NRROS: variants seen among roughly 807,000 people sequenced by gnomAD.
NRROS encodes the protein negative regulator of reactive oxygen species, also known as transforming growth factor beta activator LRRC33.
In NRROS, 6 loss-of-function variants were observed where a neutral mutation model predicts 12.0. The ratio of observed to expected loss-of-function variants is 0.50; its 90% CI spans 0.27 to 0.98. The LOEUF (loss-of-function observed/expected upper bound fraction) is 0.98, where lower values mean the gene tolerates loss of function less well. Ranked by LOEUF, NRROS falls within the 50% of genes least tolerant of loss-of-function variation. The pLI is 0.11. For missense variants in NRROS, 857 were observed against 888.2 expected (o/e 0.96, Z 0.45); for synonymous variants, 462 against 410.2 (o/e 1.13, Z -1.53).
chr3:196,651,617 A>G (rs1444188418), intron 1 of NRROS, among the ~76,000 whole-genome samples: 1 of 152,106 alleles, frequency 6.6e-6, no homozygotes. Context: ...AAATACAAAA[A>G]TTAGCCAGGC....
Position 196,661,165 on chromosome 3 carries a change from G to C in NRROS, c.1522G>C (p.Asp508His). 1 of 1,612,640 alleles carries C rather than the reference G, an allele frequency of 6.2e-7. No individual in the cohort carries two copies. The highest frequency in any genetic ancestry group is 8.5e-7 in the Non-Finnish European group (1 of 1,179,080). ...VLNGSLAPLQ[D>H]VAPMLQVLSL... ...GAATGGGAGCCTCGCCCCACTCCAG[G>C]ATGTTGCCCCCATGTTACAGGTCCT... Residue 508 changes from aspartate (D) to histidine (H), a missense_variant, in exon 3 of 3, where the codon GAT (aspartate) becomes CAT (histidine). Transcript: ENST00000328557.
intron 1 of NRROS, among the ~76,000 whole-genome samples, chr3:196,645,930 G>T (rs1737299991): frequency 6.6e-6 from 1 of 152,220 alleles, no homozygotes; most frequent in Non-Finnish European, 1.5e-5. Context: ...TTGCACAGAG[G>T]AACTCTGCTT....
At chr3:196,652,990 C>T (rs529714081) in intron 1 of NRROS, among the ~76,000 whole-genome samples, 1 of 152,292 alleles carries the variant, frequency 6.6e-6, no homozygotes, top group African/African-American at 2.4e-5. Context: ...TGAAATGATG[C>T]CTTGTAATTT....
Position 196,658,830 on chromosome 3 carries a change from C to T in NRROS, c.109-922C>T, listed in dbSNP as rs140161715. Among the ~76,000 whole-genome samples, 220 of 152,134 alleles carry T rather than the reference C, an allele frequency of 1.4e-3. 2 individuals are homozygous for T. In the Middle Eastern group the frequency reaches 0.041, roughly 28 times the overall value. ...AAAAATACAAAAAAAGTTAGCTGGGCGTGGTGGCATGTGCCTGTAATCCCA... is the reference window on the plus strand; with the variant it reads ...AAAAATACAAAAAAAGTTAGCTGGGTGTGGTGGCATGTGCCTGTAATCCCA... On this transcript the variant is annotated intron_variant, in intron 2 of 2. Coordinates refer to ENST00000328557, the MANE Select transcript of NRROS (RefSeq NM_198565.3).
intron 1 of NRROS, among the ~76,000 whole-genome samples, chr3:196,645,638 C>T (rs750780009): frequency 3.9e-5 from 6 of 152,126 alleles, no homozygotes; most frequent in Non-Finnish European, 5.9e-5. Context: ...TTTGAATCGG[C>T]CTCTTGTCAG....
intron 1 of NRROS, among the ~76,000 whole-genome samples, chr3:196,640,400 C>T (rs1737184853): frequency 6.6e-6 from 1 of 152,208 alleles, no homozygotes; most frequent in African/African-American, 2.4e-5. Flanking sequence ...TTAACAGCAA[C>T]ACCTATCACA....
At position 196,660,882 on chromosome 3, in the gene NRROS, G is replaced by T; in HGVS notation, c.1239G>T (p.Gln413His). 1 of 1,614,072 alleles carries T rather than the reference G, an allele frequency of 6.2e-7. No homozygotes were observed. Among genetic ancestry groups the T allele is most frequent in the Non-Finnish European group, 8.5e-7 (1 of 1,180,044 alleles). ...SLRLFNLSSN[Q>H]LLGVPPGLFA... The stretch of plus-strand genomic sequence containing the variant: ...GCTTGTTCAACCTGAGCTCCAACCA[G>T]CTCCTGGGCGTCCCCCCTGGCCTCT... Residue 413 changes from glutamine to histidine, a missense_variant, in exon 3 of 3, where the codon CAG becomes CAT. Physicochemically the swap from Gln to His is conservative, Grantham distance 24. Coordinates refer to ENST00000328557, the MANE Select transcript of NRROS (RefSeq NM_198565.3). The surrounding 1 kb of genome is among the most constrained non-coding windows in gnomAD (Gnocchi z 7.7).
chr3:196,650,487 T>C (rs1737403206), intron 1 of NRROS, among the ~76,000 whole-genome samples: 1 of 151,974 alleles, frequency 6.6e-6, no homozygotes. Context: ...GCCACCTTGC[T>C]CAGGCTGGTC....
chr3:196,652,464 CTT>C (rs1400405305), intron 1 of NRROS, among the ~76,000 whole-genome samples: 1 of 152,182 alleles, frequency 6.6e-6, no homozygotes, highest in Non-Finnish European at 1.5e-5. Context: ...GTCTTGGAGA[CTT>C]TGTCTGAATT....
chr3:196,657,659 A>G (rs1452639024), intron 2 of NRROS, among the ~76,000 whole-genome samples: 1 of 149,992 alleles, frequency 6.7e-6, no homozygotes, highest in Non-Finnish European at 1.5e-5. Flanking sequence ...GCAAGCAGAG[A>G]TGGCGCCATT....
At chr3:196,657,429 GAC>G (rs1384777064) in intron 2 of NRROS, among the ~76,000 whole-genome samples, 9 of 151,328 alleles carry the variant, frequency 5.9e-5, no homozygotes, top group South Asian at 2.1e-4. Context: ...CTCACATAAA[GAC>G]ACACACCTGG....
At chr3:196,646,758 G>C (rs1737320988) in intron 1 of NRROS, among the ~76,000 whole-genome samples, 1 of 152,214 alleles carries the variant, frequency 6.6e-6, no homozygotes, top group East Asian at 1.9e-4. Context: ...CATTCCCAGA[G>C]AGTCTCTCGC....
chr3:196,660,262 C>G lies in NRROS; in HGVS notation c.619C>G (p.Leu207Val). 2 of 1,613,888 alleles carry G rather than the reference C, an allele frequency of 1.2e-6. No individual in the cohort carries two copies. Among genetic ancestry groups the G allele is most frequent in the Non-Finnish European group, 1.7e-6 (2 of 1,180,040 alleles). Residue 207 changes from leucine to valine, a missense_variant, in exon 3 of 3, where the codon CTG becomes GTG. Transcript: ENST00000328557. This position sits in a 1 kb window ranked among gnomAD's most constrained non-coding sequence, Gnocchi z 7.7. Reference sequence around the variant, plus strand: ...CGGCGCTTTCGACGGCCTGGCTGAGCTGAGGCACCTCAACCTGGCCTTCAA... The same window carrying G: ...CGGCGCTTTCGACGGCCTGGCTGAGGTGAGGCACCTCAACCTGGCCTTCAA... Reference protein sequence around the residue: ...EGGAFDGLAELRHLNLAFNNL... With the variant: ...EGGAFDGLAEVRHLNLAFNNL...
rs150566647 is a variant in NRROS, at chr3:196,651,240, C to T, written c.-13-3287C>T. On this transcript the variant is annotated intron_variant, in intron 1 of 2. Coordinates refer to ENST00000328557, the MANE Select transcript of NRROS (RefSeq NM_198565.3). ...ATTTTGAAAGCCTTTTATTTCTTTA[C>T]AGTCATTACATACTTTTAATTTAGC... 2.5e-3 allele frequency among the ~76,000 whole-genome samples: 381 copies of T among 152,328 alleles called. 5 individuals carry two copies. Among genetic ancestry groups the T allele is most frequent in the African/African-American group, 8.7e-3 (363 of 41,590 alleles).
In NRROS at chr3:196,660,657, C is replaced by T. The variant is rs1489015254; in HGVS notation, c.1014C>T (p.Asn338=). 2 of 1,614,196 alleles carry T rather than the reference C, an allele frequency of 1.2e-6. No homozygotes were observed. The highest frequency in any genetic ancestry group is 1.1e-5 in the South Asian group (1 of 91,084). ...TCCGCTTCCTGGACATGAGCCAGAA[C>T]CAGTTCCAGTACCTGCCAGACGGCT... ...ADLRFLDMSQ[N]QFQYLPDGFL... Residue 338 remains asparagine, a synonymous_variant, in exon 3 of 3, where the codon AAC becomes AAT. Transcript: ENST00000328557. The surrounding 1 kb of genome is among the most constrained non-coding windows in gnomAD (Gnocchi z 7.7).
intron 1 of NRROS, among the ~76,000 whole-genome samples, chr3:196,651,118 A>T (rs1165017710): frequency 6.6e-6 from 1 of 152,128 alleles, no homozygotes; most frequent in Non-Finnish European, 1.5e-5. Flanking sequence ...TGGCAAGAGG[A>T]TTGTTTATCT....
intron 2 of NRROS, among the ~76,000 whole-genome samples, chr3:196,658,138 A>G (rs1306915207): frequency 1.3e-5 from 2 of 152,252 alleles, no homozygotes; most frequent in Admixed American, 6.5e-5. Context: ...AGATGAATGC[A>G]TATGCTTCCT....
chr3:196,655,003 G>A (rs939271488), intron 2 of NRROS: 6 of 203,868 alleles, frequency 2.9e-5, no homozygotes, highest in Non-Finnish European at 5.0e-5. Flanking sequence ...TTAGGAGGCC[G>A]AGGCAGGCAG....
Position 196,661,700 on chromosome 3 carries a change from G to A in NRROS, c.2057G>A (p.Cys686Tyr). 1.9e-6 allele frequency: 3 copies of A among 1,594,212 alleles called. No homozygotes were observed. The highest frequency in any genetic ancestry group is 2.6e-6 in the Non-Finnish European group (3 of 1,174,814). ...CTGCTTCAGGTCATCAAGAGCCGCT[G>A]CCACTGGTCCTCCGTTTACTGACCT... is the stretch of plus-strand genomic sequence containing the variant. ...KPLLQVIKSR[C>Y]HWSSVY Residue 686 changes from cysteine (C) to tyrosine (Y), a missense_variant, in exon 3 of 3, where the codon TGC becomes TAC. Cys to Tyr is a radical substitution (Grantham distance 194). Coordinates refer to ENST00000328557, the MANE Select transcript of NRROS (RefSeq NM_198565.3).
Sources: allele counts gnomAD v4.1 joint callset (sites outside exome capture counted in the v4.1 genomes callset), GRCh38; gene constraint gnomAD v4.1.1; non-coding constraint Gnocchi (gnomAD v3.1); transcripts MANE v1.5; gene names NCBI Gene and HGNC (gene_info 2026-07-23, HGNC 2026-07-21).